PTPRD: variants seen among roughly 807,000 people sequenced by gnomAD.
PTPRD encodes the protein receptor-type tyrosine-protein phosphatase delta.
Under a neutral mutation model 214.5 loss-of-function variants are expected in PTPRD, and 34 were observed. That is an observed-to-expected ratio of 0.16 (90% CI 0.12 to 0.21). The LOEUF is 0.21. Ranked by LOEUF, PTPRD falls within the 10% of genes least tolerant of loss-of-function variation. The probability of loss-of-function intolerance (pLI) is 1.00; values close to 1 mark genes in which losing one functional copy is unlikely to be tolerated. For missense variants in PTPRD, 2,545 were observed against 2,398.7 expected (o/e 1.06, Z -1.27); for synonymous variants, 1,128 against 845.7 (o/e 1.33, Z -5.79).
At chr9:10,377,032 T>TC (rs1216608434) in intron 2 of PTPRD, among the ~76,000 whole-genome samples, 1 of 151,648 alleles carries the variant, frequency 6.6e-6, no homozygotes, top group Non-Finnish European at 1.5e-5. Flanking sequence ...CCATTAACCA[T>TC]CCCCCCCTTC....
chr9:9,033,455 C>T (rs1369307599), intron 10 of PTPRD, among the ~76,000 whole-genome samples: 1 of 152,004 alleles, frequency 6.6e-6, no homozygotes, highest in African/African-American at 2.4e-5. Flanking sequence ...GGAATTCTTC[C>T]AGCTTTATCA....
At chr9:9,697,160 T>TG (rs368266742) in intron 7 of PTPRD, among the ~76,000 whole-genome samples, 138 of 152,226 alleles carry the variant, frequency 9.1e-4, no homozygotes, top group African/African-American at 2.9e-3. Context: ...TTGTAGCTAT[T>TG]TTTTTGATAG....
At chr9:8,367,334 G>A (rs1208373639) in intron 39 of PTPRD, among the ~76,000 whole-genome samples, 1 of 151,998 alleles carries the variant, frequency 6.6e-6, no homozygotes, top group African/African-American at 2.4e-5. Context: ...TTTTCATGTA[G>A]GGGCGATTTT....
chr9:8,709,431 C>T (rs957472292), intron 12 of PTPRD, among the ~76,000 whole-genome samples: 31 of 148,026 alleles, frequency 2.1e-4, no homozygotes, highest in African/African-American at 7.2e-4. Context: ...AGGAGAATGG[C>T]ATGAACCCAG....
intron 5 of PTPRD, among the ~76,000 whole-genome samples, chr9:9,825,717 C>T (rs1294549492): frequency 6.6e-6 from 1 of 151,820 alleles, no homozygotes; most frequent in African/African-American, 2.4e-5. Context: ...ACTCAAAGTT[C>T]CTTTTTCTGA....
intron 2 of PTPRD, among the ~76,000 whole-genome samples, chr9:10,507,366 A>G (rs998158215): frequency 1.3e-5 from 2 of 152,138 alleles, no homozygotes; most frequent in African/African-American, 4.8e-5. Context: ...GAAAATGGCC[A>G]TATTGCCCAA....
intron 11 of PTPRD, among the ~76,000 whole-genome samples, chr9:8,982,506 G>C (rs2099317948): frequency 6.8e-6 from 1 of 147,172 alleles, no homozygotes; most frequent in Non-Finnish European, 1.5e-5. Context: ...TTGTACCATA[G>C]TGTTCAAATA....
intron 4 of PTPRD, among the ~76,000 whole-genome samples, chr9:9,972,566 T>C (rs2095166855): frequency 6.6e-6 from 1 of 152,200 alleles, no homozygotes; most frequent in African/African-American, 2.4e-5. Context: ...CATAATACAT[T>C]ATATACACAT....
At chr9:9,449,880 C>T (rs1006434571) in intron 8 of PTPRD, among the ~76,000 whole-genome samples, 1 of 151,878 alleles carries the variant, frequency 6.6e-6, no homozygotes, top group Non-Finnish European at 1.5e-5. Context: ...TTATCCCTCA[C>T]TCCAACCCAC....
intron 7 of PTPRD, among the ~76,000 whole-genome samples, chr9:9,596,487 T>C (rs1380681772): frequency 6.6e-6 from 1 of 152,036 alleles, no homozygotes; most frequent in African/African-American, 2.4e-5. Flanking sequence ...AGGTTGTTAT[T>C]GCTAATACAC....
intron 2 of PTPRD, among the ~76,000 whole-genome samples, chr9:10,537,422 T>C (rs940155271): frequency 2.0e-5 from 3 of 152,186 alleles, no homozygotes; most frequent in African/African-American, 7.2e-5. Flanking sequence ...TACTTATTTT[T>C]ATAATGTGAG....
chr9:9,066,740 A>G (rs1309840728), intron 10 of PTPRD, among the ~76,000 whole-genome samples: 1 of 152,222 alleles, frequency 6.6e-6, no homozygotes, highest in Non-Finnish European at 1.5e-5. Context: ...ATACAGCCAT[A>G]AGCCCGACCA....
intron 10 of PTPRD, among the ~76,000 whole-genome samples, chr9:9,073,575 C>T (rs1186818682): frequency 1.3e-5 from 2 of 152,030 alleles, no homozygotes; most frequent in Admixed American, 1.3e-4. Context: ...CTGAGGTTTC[C>T]CCAAAAAGAA....
intron 14 of PTPRD, among the ~76,000 whole-genome samples, chr9:8,575,567 C>T (rs1338572499): frequency 6.6e-6 from 1 of 152,100 alleles, no homozygotes; most frequent in Admixed American, 6.5e-5. Flanking sequence ...ATAATCTAGA[C>T]CAGTGTCTCT....
intron 7 of PTPRD, among the ~76,000 whole-genome samples, chr9:9,656,613 T>G (rs2096521894): frequency 2.0e-5 from 3 of 152,096 alleles, no homozygotes; most frequent in Admixed American, 2.0e-4. Context: ...ATTGCCAGGT[T>G]AGGGAGCAGT....
intron 3 of PTPRD, among the ~76,000 whole-genome samples, chr9:10,155,347 G>C (rs2058517976): frequency 6.6e-6 from 1 of 151,960 alleles, no homozygotes; most frequent in Non-Finnish European, 1.5e-5. Flanking sequence ...GGAGCTTTTG[G>C]AACAAGACTA....
chr9:9,823,689 GGAGGTAGA>G (rs1356271374), intron 5 of PTPRD, among the ~76,000 whole-genome samples: 1 of 152,038 alleles, frequency 6.6e-6, no homozygotes, highest in Non-Finnish European at 1.5e-5. Context: ...TTGATGTCAT[GGAGGTAGA>G]GAGTAGAATA....
chr9:9,693,474 A>G (rs1237775413), intron 7 of PTPRD, among the ~76,000 whole-genome samples: 1 of 152,068 alleles, frequency 6.6e-6, no homozygotes, highest in Non-Finnish European at 1.5e-5. Flanking sequence ...TGCAACTATG[A>G]GTCATTTAAA....
intron 9 of PTPRD, among the ~76,000 whole-genome samples, chr9:9,290,763 C>T (rs1950902009): frequency 6.6e-6 from 1 of 151,464 alleles, no homozygotes; most frequent in South Asian, 2.1e-4. Context: ...GATTTATAAA[C>T]ATGGGAGATT....
Sources: allele counts gnomAD v4.1 joint callset (sites outside exome capture counted in the v4.1 genomes callset), GRCh38; gene constraint gnomAD v4.1.1; transcripts MANE v1.5; gene names NCBI Gene and HGNC (gene_info 2026-07-23, HGNC 2026-07-21).